The following PDZRN4 variants were observed in gnomAD, a reference collection of about 807,000 sequenced individuals.
The protein encoded by PDZRN4 is PDZ domain containing ring finger 4.
A neutral mutation model predicts 99.0 loss-of-function variants in PDZRN4; 70 were observed. That is an observed-to-expected ratio of 0.71 (90% CI 0.58 to 0.86). The LOEUF is 0.86. PDZRN4 is among the 40% of genes least tolerant of loss of function. The probability of loss-of-function intolerance (pLI) is 0.00; values close to 1 mark genes in which losing one functional copy is unlikely to be tolerated. For synonymous variants in PDZRN4, 551 were observed against 501.6 expected, an observed-to-expected ratio of 1.10 and a Z score of -1.32; for missense variants, 1,474 against 1,331.2, an observed-to-expected ratio of 1.11 and a Z score of -1.67.
intron 5 of PDZRN4, among the ~76,000 whole-genome samples, chr12:41,516,226 C>T (rs961842211): frequency 9.9e-5 from 15 of 152,054 alleles, no homozygotes; most frequent in Non-Finnish European, 1.5e-4. Flanking sequence ...AGGCTATAGT[C>T]ATTTATGTAC....
chr12:41,452,125 A>T (rs901897025), intron 3 of PDZRN4, among the ~76,000 whole-genome samples: 5 of 152,016 alleles, frequency 3.3e-5, no homozygotes, highest in African/African-American at 1.2e-4. Flanking sequence ...ACAAAAAAAA[A>T]AAAAGTGGCT....
At chr12:41,456,177 A>C (rs1015929240) in intron 3 of PDZRN4, among the ~76,000 whole-genome samples, 1 of 152,160 alleles carries the variant, frequency 6.6e-6, no homozygotes, top group African/African-American at 2.4e-5. Flanking sequence ...CAGATTCTCC[A>C]GTGGTTGCAG....
At chr12:41,311,337 A>G (rs1323160158) in intron 3 of PDZRN4, among the ~76,000 whole-genome samples, 7 of 152,014 alleles carry the variant, frequency 4.6e-5, no homozygotes, top group African/African-American at 1.2e-4. Flanking sequence ...GCCTTTGCCT[A>G]TGAAAGTTAA....
rs184601589 is a variant in PDZRN4 at position 41,374,976 on chromosome 12, T to C, written c.844-131480T>C. On this transcript the variant is annotated intron_variant, in intron 3 of 9. Coordinates refer to ENST00000402685, the MANE Select transcript of PDZRN4 (RefSeq NM_001164595.2). The stretch of plus-strand genomic sequence containing the variant: ...TCATTTTGTGCTCTCTCTCTTTCTC[T>C]CTCTCTCTCTTCAAGTCACTTGCTC... Among the ~76,000 whole-genome samples the C allele has an allele frequency of 3.1e-3, 473 of 152,308 alleles. 5 individuals are homozygous for C. Among genetic ancestry groups the C allele is most frequent in the African/African-American group, 0.011 (450 of 41,586 alleles).
At chr12:41,247,758 A>G (rs1951142419) in intron 3 of PDZRN4, among the ~76,000 whole-genome samples, 1 of 152,216 alleles carries the variant, frequency 6.6e-6, no homozygotes, top group Non-Finnish European at 1.5e-5. Flanking sequence ...CAAAATATTT[A>G]AAGACTTTAA....
At chr12:41,471,137 T>C (rs887828778) in intron 3 of PDZRN4, among the ~76,000 whole-genome samples, 8 of 152,210 alleles carry the variant, frequency 5.3e-5, no homozygotes, top group South Asian at 2.1e-4. Context: ...AGAGCTACAG[T>C]GACAAACTTT....
chr12:41,279,043 A>G (rs2120879043), intron 3 of PDZRN4, among the ~76,000 whole-genome samples: 1 of 152,322 alleles, frequency 6.6e-6, no homozygotes, highest in South Asian at 2.1e-4. Context: ...GGGTGACATA[A>G]AAATAACGAT....
rs561057630 is a variant in PDZRN4, at chr12:41,555,503, C to A, written c.1303-195C>A. 1.4e-3 allele frequency among the ~76,000 whole-genome samples: 218 copies of A among 152,106 alleles called. 1 individual carries two copies. Among genetic ancestry groups the A allele is most frequent in the Non-Finnish European group, 2.4e-3 (163 of 67,984 alleles). The stretch of plus-strand genomic sequence containing the variant: ...CTGCTCTAGTCCTCACAATTTTATT[C>A]ATGTTCATTCTAAAATAGCTCATTT... On this transcript the variant is annotated intron_variant, in intron 6 of 9. Transcript: ENST00000402685.
chr12:41,453,110 G>T (rs1440648743), intron 3 of PDZRN4, among the ~76,000 whole-genome samples: 1 of 152,170 alleles, frequency 6.6e-6, no homozygotes, highest in Non-Finnish European at 1.5e-5. Flanking sequence ...ATTATCCCTG[G>T]AGGAGTGAGC....
At chr12:41,214,623 A>G (rs951770687) in intron 3 of PDZRN4, among the ~76,000 whole-genome samples, 2 of 151,904 alleles carry the variant, frequency 1.3e-5, no homozygotes, top group Non-Finnish European at 2.9e-5. Context: ...TATTTAGCAT[A>G]TGATTTTCTG....
At chr12:41,269,969 C>T (rs556519261) in intron 3 of PDZRN4, among the ~76,000 whole-genome samples, 2 of 152,216 alleles carry the variant, frequency 1.3e-5, no homozygotes, top group East Asian at 1.9e-4. Context: ...AAATGTCTCT[C>T]CCCCTACCTC....
At chr12:41,225,049 T>C (rs540528291) in intron 3 of PDZRN4, among the ~76,000 whole-genome samples, 113 of 152,284 alleles carry the variant, frequency 7.4e-4, no homozygotes, top group African/African-American at 2.5e-3. Context: ...CAAATGATCA[T>C]TATAACTATA....
At chr12:41,522,185 T>A (rs1938504058) in intron 5 of PDZRN4, among the ~76,000 whole-genome samples, 1 of 152,136 alleles carries the variant, frequency 6.6e-6, no homozygotes. Context: ...GAAAACTGAT[T>A]CCCTGTGTGG....
chr12:41,324,813 A>G (rs530470813), intron 3 of PDZRN4, among the ~76,000 whole-genome samples: 1 of 152,250 alleles, frequency 6.6e-6, no homozygotes, highest in South Asian at 2.1e-4. Context: ...ATATAAAAAT[A>G]CCTTATCAAT....
chr12:41,433,618 G>A (rs1952603481), intron 3 of PDZRN4, among the ~76,000 whole-genome samples: 1 of 152,170 alleles, frequency 6.6e-6, no homozygotes, highest in South Asian at 2.1e-4. Context: ...GTAATCAAGC[G>A]GAGTTACGTA....
At chr12:41,342,713 AT>A (rs1365394703) in intron 3 of PDZRN4, among the ~76,000 whole-genome samples, 1 of 151,848 alleles carries the variant, frequency 6.6e-6, no homozygotes, top group Non-Finnish European at 1.5e-5. Flanking sequence ...GAAAATATAT[AT>A]TGGCAAATAT....
chr12:41,552,804 A>G (rs765869897), intron 6 of PDZRN4, 50 bp downstream of exon 6: 12 of 1,392,114 alleles, frequency 8.6e-6, no homozygotes, highest in Admixed American at 3.4e-5. Context: ...TAGGAAGAAC[A>G]GAGCGAAATG....
Position 41,342,014 on chromosome 12 carries a change from G to A in PDZRN4, c.843+147826G>A, listed in dbSNP as rs149723774. Among the ~76,000 whole-genome samples the A allele has an allele frequency of 3.1e-3, 470 of 151,874 alleles. 5 individuals are homozygous for A. Among genetic ancestry groups the A allele is most frequent in the African/African-American group, 0.011 (447 of 41,466 alleles). On this transcript the variant is annotated intron_variant, in intron 3 of 9. Coordinates refer to ENST00000402685, the MANE Select transcript of PDZRN4 (RefSeq NM_001164595.2). ...CATAAAAACAAACATATACACCAATGGAACACAATAAAAATCCCAGAAAAA... is the reference window on the plus strand; with the variant it reads ...CATAAAAACAAACATATACACCAATAGAACACAATAAAAATCCCAGAAAAA...
At position 41,506,573 on chromosome 12, in the gene PDZRN4, T is replaced by A; in HGVS notation, c.961T>A (p.Tyr321Asn). 4.3e-6 allele frequency: 7 copies of A among 1,613,916 alleles called. No homozygotes were observed. The highest frequency in any genetic ancestry group is 5.9e-6 in the Non-Finnish European group (7 of 1,179,892). Residue 321 changes from tyrosine to asparagine, a missense_variant, in exon 4 of 10, where the codon TAT (tyrosine) becomes AAT (asparagine). Transcript: ENST00000402685. ...LRRTPLSRPA[Y>N]GMASEVQLMN... ...GCGAACACCTCTTAGTAGACCAGCC[T>A]ATGGGATGGCTTCAGAAGTGCAGCT...
Sources: gnomAD v4.1 joint callset for allele counts (sites outside exome capture counted in the v4.1 genomes callset) on GRCh38, gnomAD v4.1.1 for gene constraint, MANE v1.5 for transcripts, NCBI Gene and HGNC (gene_info 2026-07-23, HGNC 2026-07-21) for gene names.